Variants in VRK2 observed in about 807,000 individuals in gnomAD.
VRK2 encodes serine/threonine-protein kinase VRK2.
VRK2 carries 60 observed loss-of-function variants against 57.6 expected under a neutral mutation model. That is an observed-to-expected ratio of 1.04 (90% CI 0.85 to 1.29). The LOEUF is 1.29. Ranked by LOEUF, VRK2 falls within the 50% of genes most tolerant of loss-of-function variation. The pLI is 0.00. For missense variants in VRK2, 705 were observed against 588.1 expected, an observed-to-expected ratio of 1.20 and a Z score of -2.06; for synonymous variants, 231 against 199.2, an observed-to-expected ratio of 1.16 and a Z score of -1.35.
At chr2:58,042,116 A>G (rs1445800282), upstream of VRK2, among the ~76,000 whole-genome samples, 2 of 152,194 alleles carry the variant, frequency 1.3e-5, no homozygotes, top group Non-Finnish European at 2.9e-5. Flanking sequence ...AAATTGATTG[A>G]GACTTATCTC....
chr2:58,053,369 G>A (rs1572864943), intron 2 of VRK2, among the ~76,000 whole-genome samples: 1 of 152,332 alleles, frequency 6.6e-6, no homozygotes, highest in South Asian at 2.1e-4. Context: ...ATGGACAGAT[G>A]TTTAAATTTC....
At chr2:58,136,275 C>T (rs1679994780) in intron 10 of VRK2, among the ~76,000 whole-genome samples, 1 of 152,098 alleles carries the variant, frequency 6.6e-6, no homozygotes, top group African/African-American at 2.4e-5. Flanking sequence ...GGGAGCCACA[C>T]AGGAGAGATC....
At chr2:58,063,833 A>G (rs1668246811) in intron 2 of VRK2, among the ~76,000 whole-genome samples, 1 of 152,122 alleles carries the variant, frequency 6.6e-6, no homozygotes, top group Non-Finnish European at 1.5e-5. Flanking sequence ...GAAATGATTC[A>G]CCATCCAGAT....
At chr2:58,030,715 CTTG>C (rs1674086190) in intron 2 of VRK2, among the ~76,000 whole-genome samples, 1 of 151,864 alleles carries the variant, frequency 6.6e-6, no homozygotes, top group Non-Finnish European at 1.5e-5. Flanking sequence ...TCTGGGTGGG[CTTG>C]TTAGTTGCTT....
At chr2:58,055,000 A>T (rs920177589) in intron 2 of VRK2, among the ~76,000 whole-genome samples, 3 of 152,162 alleles carry the variant, frequency 2.0e-5, no homozygotes, top group Non-Finnish European at 4.4e-5. Context: ...TCGATCAAGT[A>T]ATACTTGAGG....
rs550457489 is a variant in VRK2 at position 58,013,434 on chromosome 2, C to T, written c.-438-12231C>T. Among the ~76,000 whole-genome samples the T allele has an allele frequency of 1.8e-4, 27 of 152,308 alleles. 1 individual carries two copies. Among genetic ancestry groups the T allele is most frequent in the Admixed American group, 7.8e-4 (12 of 15,296 alleles). On this transcript the variant is annotated intron_variant, in intron 1 of 15. Coordinates refer to the VRK2 transcript ENST00000417641. ...AATACGCTAGAAATAAGTCAAAATG[C>T]TCTATCAGTGGTAACTTTGTAAAGA...
intron 1 of VRK2, among the ~76,000 whole-genome samples, chr2:57,923,343 C>T (rs1670417492): frequency 6.6e-6 from 1 of 152,040 alleles, no homozygotes; most frequent in Non-Finnish European, 1.5e-5. Context: ...TACACTCCCA[C>T]CAATACTGTA....
intron 10 of VRK2, among the ~76,000 whole-genome samples, chr2:58,137,779 A>G (rs1680753936): frequency 4.6e-5 from 7 of 152,148 alleles, no homozygotes; most frequent in Admixed American, 4.6e-4. Context: ...AAAGCAGATG[A>G]TTAAAAAAAT....
chr2:58,158,758 GTTAATTTGTTTTATATTAATACCAC>G (rs531338351), intron 12 of VRK2, among the ~76,000 whole-genome samples: 11 of 152,174 alleles, frequency 7.2e-5, no homozygotes, highest in Admixed American at 2.6e-4. Context: ...TAAGTAACCA[GTTAATTTGTTTTATATTAATACCAC>G]TTAATTTGCT....
At chr2:58,114,299 C>T (rs911133971) in intron 7 of VRK2, among the ~76,000 whole-genome samples, 5 of 151,754 alleles carry the variant, frequency 3.3e-5, no homozygotes, top group African/African-American at 1.2e-4. Context: ...GGGATAGCAC[C>T]AGGAGATACC....
chr2:58,099,722 G>A (rs542803067), intron 7 of VRK2, among the ~76,000 whole-genome samples: 61 of 152,120 alleles, frequency 4.0e-4, no homozygotes, highest in African/African-American at 1.4e-3. Flanking sequence ...AAAAACACTT[G>A]TCACAGTGCC....
At chr2:57,993,705 C>G (rs1212383687) in intron 1 of VRK2, among the ~76,000 whole-genome samples, 1 of 152,216 alleles carries the variant, frequency 6.6e-6, no homozygotes. Context: ...TTAACTCTGA[C>G]ATGAATTGAA....
chr2:58,066,327 A>G (rs1378690355), intron 2 of VRK2, among the ~76,000 whole-genome samples: 1 of 152,158 alleles, frequency 6.6e-6, no homozygotes, highest in East Asian at 1.9e-4. Context: ...TTCTACTTCA[A>G]TTGATATGAT....
chr2:58,056,042 C>A (rs1250066798), intron 2 of VRK2, among the ~76,000 whole-genome samples: 2 of 151,992 alleles, frequency 1.3e-5, no homozygotes, highest in Admixed American at 6.6e-5. Context: ...GAACTCTAAA[C>A]ATCATATTTC....
At chr2:58,039,183 C>G (rs539483488) in intron 3 of VRK2, among the ~76,000 whole-genome samples, 1 of 152,162 alleles carries the variant, frequency 6.6e-6, no homozygotes, top group South Asian at 2.1e-4. Flanking sequence ...CCAGTTTATA[C>G]CCTCATTTTG....
At chr2:58,095,500 T>C (rs556627900) in intron 7 of VRK2, among the ~76,000 whole-genome samples, 29 of 152,158 alleles carry the variant, frequency 1.9e-4, no homozygotes, top group Non-Finnish European at 3.8e-4. Flanking sequence ...TTTCTTATTA[T>C]GTTTGTTTCA....
chr2:58,020,132 C>T lies in VRK2; in HGVS notation c.-438-5533C>T, dbSNP rs1002511096. 4.6e-5 allele frequency among the ~76,000 whole-genome samples: 7 copies of T among 152,290 alleles called. No individual in the cohort carries two copies. In the South Asian group the frequency reaches 6.2e-4, roughly 14 times the overall value. On this transcript the variant is annotated intron_variant, in intron 1 of 15. Transcript: ENST00000417641. Reference sequence around the variant, plus strand: ...AGATCTGGTCAACTAAAGTATGATGCTTCCATATAATCAAGTACTACCTAC... The same window carrying T: ...AGATCTGGTCAACTAAAGTATGATGTTTCCATATAATCAAGTACTACCTAC...
At chr2:58,076,421 C>T (rs879891756) in intron 2 of VRK2, among the ~76,000 whole-genome samples, 1 of 151,866 alleles carries the variant, frequency 6.6e-6, no homozygotes, top group Non-Finnish European at 1.5e-5. Context: ...GAGTATCATA[C>T]CTCATATCAC....
At chr2:57,992,858 T>G (rs375087303) in intron 1 of VRK2, among the ~76,000 whole-genome samples, 6 of 152,204 alleles carry the variant, frequency 3.9e-5, no homozygotes, top group Middle Eastern at 3.2e-3. Flanking sequence ...TTATGATCAC[T>G]ACATATTGAC....
Sources: allele counts gnomAD v4.1 joint callset (sites outside exome capture counted in the v4.1 genomes callset), GRCh38; gene constraint gnomAD v4.1.1; transcripts MANE v1.5; gene names NCBI Gene and HGNC (gene_info 2026-07-23, HGNC 2026-07-21).